PANK1: variants seen among roughly 807,000 people sequenced by gnomAD.
PANK1 encodes pantothenic acid kinase 1.
PANK1 carries 18 observed loss-of-function variants against 40.1 expected under a neutral mutation model. The observed-to-expected ratio is 0.45, with a 90% CI of 0.31 to 0.67. The LOEUF is 0.67. PANK1 is among the 30% of genes least tolerant of loss of function. The pLI is 0.06. For missense variants in PANK1, 457 were observed against 599.6 expected, an observed-to-expected ratio of 0.76 and a Z score of 2.48; for synonymous variants, 242 against 237.7, an observed-to-expected ratio of 1.02 and a Z score of -0.17.
chr10:89,593,584 T>C (rs1222485651), intron 4 of PANK1, among the ~76,000 whole-genome samples: 1 of 152,208 alleles, frequency 6.6e-6, no homozygotes, highest in Non-Finnish European at 1.5e-5. Context: ...GGTGAAACTA[T>C]TGCAGTTTTC....
intron 2 of PANK1, among the ~76,000 whole-genome samples, chr10:89,605,334 T>A (rs940590895): frequency 3.3e-5 from 5 of 152,190 alleles, no homozygotes; most frequent in African/African-American, 1.2e-4. Flanking sequence ...TTTCATAGCA[T>A]TTTACCCACC....
At position 89,645,070 on chromosome 10, in the gene PANK1, T is replaced by C; in HGVS notation, c.-179A>G. ...CCCTCCTCCTGCCGACTCCCCCACC[T>C]CCTCTGCGCCCTGCCCCCCGCGCGC... On this transcript the variant is annotated 5_prime_UTR_variant, in exon 1 of 7. Coordinates refer to ENST00000307534, the MANE Select transcript of PANK1 (RefSeq NM_148977.3). The C allele has an allele frequency of 6.5e-7, 1 of 1,545,390 alleles. No individual in the cohort carries two copies. The highest frequency in any genetic ancestry group is 1.4e-5 in the African/African-American group (1 of 69,834).
chr10:89,605,273 A>G (rs1844926820), intron 2 of PANK1, among the ~76,000 whole-genome samples: 1 of 152,128 alleles, frequency 6.6e-6, no homozygotes, highest in Non-Finnish European at 1.5e-5. Context: ...AGTTTGCCGC[A>G]TTGGTTGACT....
chr10:89,641,756 TAAATAAATAAATAAATA>T (rs1841975054), intron 1 of PANK1, among the ~76,000 whole-genome samples: 1 of 125,722 alleles, frequency 8.0e-6, no homozygotes, highest in East Asian at 2.2e-4. Context: ...AATAAATAAA[TAAATAAATAAATAAATA>T]AAATAAAAAA....
intron 1 of PANK1, among the ~76,000 whole-genome samples, chr10:89,625,011 A>G (rs1845615861): frequency 6.6e-6 from 1 of 152,062 alleles, no homozygotes; most frequent in Admixed American, 6.5e-5. Context: ...TGATCCTCCC[A>G]CCTCAGTATC....
At chr10:89,601,464 G>A (rs889566351) in intron 2 of PANK1, among the ~76,000 whole-genome samples, 2 of 151,952 alleles carry the variant, frequency 1.3e-5, no homozygotes, top group Non-Finnish European at 2.9e-5. Flanking sequence ...CTGGACAACA[G>A]ATTGAGATTC....
At chr10:89,590,495 T>C (rs1844348403) in intron 5 of PANK1, among the ~76,000 whole-genome samples, 1 of 152,200 alleles carries the variant, frequency 6.6e-6, no homozygotes, top group African/African-American at 2.4e-5. Flanking sequence ...ACTTTATATC[T>C]GTTAATATTA....
rs911010843 is a variant in PANK1 at position 89,644,646 on chromosome 10, T to C, written c.246A>G (p.Lys82=). ...LLPQHDSPAK[K]CRLRRRMDSG... ...AGTCCATCCTCCTCCGCAGCCGGCA[T>C]TTCTTGGCCGGGGAGTCATGCTGAG... Residue 82 remains lysine (K), a synonymous_variant, in exon 1 of 7, where the codon AAA becomes AAG. Coordinates refer to ENST00000307534, the MANE Select transcript of PANK1 (RefSeq NM_148977.3). 1 of 1,583,990 alleles carries C rather than the reference T, an allele frequency of 6.3e-7. No homozygotes were observed. Among genetic ancestry groups the C allele is most frequent in the African/African-American group, 1.4e-5 (1 of 72,740 alleles).
At chr10:89,617,108 A>G (rs1845342795) in intron 1 of PANK1, among the ~76,000 whole-genome samples, 1 of 152,238 alleles carries the variant, frequency 6.6e-6, no homozygotes, top group South Asian at 2.1e-4. Context: ...ATGAACATAG[A>G]GCATAAGCAC....
intron 1 of PANK1, among the ~76,000 whole-genome samples, chr10:89,633,565 G>A (rs1003949105): frequency 6.6e-6 from 1 of 151,890 alleles, no homozygotes; most frequent in African/African-American, 2.4e-5. Flanking sequence ...AGGTAGTTGG[G>A]AGAGTATGAA....
At chr10:89,587,362 T>C (rs560741677) in intron 6 of PANK1, among the ~76,000 whole-genome samples, 1 of 152,336 alleles carries the variant, frequency 6.6e-6, no homozygotes, top group South Asian at 2.1e-4. Flanking sequence ...AGTTTAACTA[T>C]ATACCACCTA....
intron 2 of PANK1, among the ~76,000 whole-genome samples, chr10:89,604,336 A>T (rs973361511): frequency 3.9e-5 from 6 of 152,188 alleles, no homozygotes; most frequent in Non-Finnish European, 8.8e-5. Context: ...AGACCACCTC[A>T]GTAAAGTGAA....
Position 89,645,012 on chromosome 10 carries a change from C to A in PANK1, c.-121G>T, listed in dbSNP as rs1477816264. ...GCTTCCGATTCAGCAGCCGCAGAGC[C>A]GGCGCCTGGGGATGGCGAACCCGGC... is the stretch of plus-strand genomic sequence containing the variant. On this transcript the variant is annotated 5_prime_UTR_variant, in exon 1 of 7. Coordinates refer to ENST00000307534, the MANE Select transcript of PANK1 (RefSeq NM_148977.3). 1 of 1,567,294 alleles carries A rather than the reference C, an allele frequency of 6.4e-7. No homozygotes were observed. Among genetic ancestry groups the A allele is most frequent in the South Asian group, 1.2e-5 (1 of 86,666 alleles).
intron 1 of PANK1, among the ~76,000 whole-genome samples, chr10:89,620,583 A>T (rs1232301741): frequency 6.6e-6 from 1 of 152,212 alleles, no homozygotes; most frequent in African/African-American, 2.4e-5. Context: ...ATGACAATGC[A>T]TGCCCAGCAG....
In PANK1 at chr10:89,588,783, A is replaced by G. The variant is rs1198226370; in HGVS notation, c.1201-6T>C. The G allele has an allele frequency of 1.3e-6, 2 of 1,563,758 alleles. No individual in the cohort carries two copies. Among genetic ancestry groups the G allele is most frequent in the Non-Finnish European group, 1.7e-6 (2 of 1,158,652 alleles). On this transcript the variant is annotated splice_polypyrimidine_tract_variant and splice_region_variant and intron_variant, in intron 5 of 6. Transcript: ENST00000307534. ...AACACAACTCTGTCTATGTTCTGGA[A>G]AAAATATTAAAGAAAACAATTGAAT...
chr10:89,622,803 A>G (rs1187870614), intron 1 of PANK1, among the ~76,000 whole-genome samples: 2 of 151,880 alleles, frequency 1.3e-5, no homozygotes, highest in Admixed American at 6.6e-5. Context: ...TGCCACTGCA[A>G]TCTAGCCTGG....
intron 1 of PANK1, among the ~76,000 whole-genome samples, chr10:89,624,959 T>G (rs953386104): frequency 1.3e-5 from 2 of 152,270 alleles, no homozygotes; most frequent in South Asian, 4.2e-4. Context: ...AGTGTAGTGG[T>G]GTCATCACAG....
At chr10:89,590,899 A>AG (rs1192545448) in intron 5 of PANK1, among the ~76,000 whole-genome samples, 2 of 152,144 alleles carry the variant, frequency 1.3e-5, no homozygotes, top group African/African-American at 4.8e-5. Flanking sequence ...AAAAGAGGGA[A>AG]GAAGGAGAGA....
intron 1 of PANK1, among the ~76,000 whole-genome samples, chr10:89,627,525 C>G (rs542921490): frequency 1.2e-4 from 18 of 152,252 alleles, no homozygotes; most frequent in African/African-American, 4.3e-4. Flanking sequence ...ACTGATTGAA[C>G]AGGTATTTAT....
Sources: allele counts gnomAD v4.1 joint callset (sites outside exome capture counted in the v4.1 genomes callset), GRCh38; gene constraint gnomAD v4.1.1; transcripts MANE v1.5; gene names NCBI Gene and HGNC (gene_info 2026-07-23, HGNC 2026-07-21).